Variants in ADGRG5 observed in about 807,000 individuals in gnomAD.
ADGRG5 encodes G protein-coupled receptor 114.
Under a neutral mutation model 53.2 loss-of-function variants are expected in ADGRG5, and 37 were observed. The ratio of observed to expected loss-of-function variants is 0.70; its 90% CI spans 0.53 to 0.91. The LOEUF (loss-of-function observed/expected upper bound fraction) is 0.91, where lower values mean the gene tolerates loss of function less well. Among genes scored for constraint, ADGRG5 ranks in the 40% least tolerant of loss-of-function variants. ADGRG5 has a pLI of 0.00. For missense variants in ADGRG5, 614 were observed against 675.8 expected (o/e 0.91, Z 1.01); for synonymous variants, 277 against 290.4 (o/e 0.95, Z 0.47).
intron 1 of ADGRG5, among the ~76,000 whole-genome samples, chr16:57,547,950 G>A (rs1555521243): frequency 6.6e-6 from 1 of 151,942 alleles, no homozygotes; most frequent in Non-Finnish European, 1.5e-5. Flanking sequence ...GTTTTTCCAT[G>A]TTGCCCAGGC....
At chr16:57,532,449 C>G in the ADGRG5 span, among the ~76,000 whole-genome samples, 1 of 152,174 alleles carries the variant, frequency 6.6e-6, no homozygotes, top group Non-Finnish European at 1.5e-5. Context: ...AGTGAGCTGG[C>G]TGGCCTTGAT....
chr16:57,563,754 A>G, intron 4 of ADGRG5, 94 bp from the exon 5 acceptor site: 4 of 1,517,292 alleles, frequency 2.6e-6, no homozygotes, highest in South Asian at 1.1e-5. Flanking sequence ...GGAAACCCCA[A>G]GGAAGGTTTC....
At chr16:57,542,787 C>T (rs1356795003) in intron 1 of ADGRG5, 86 bp downstream of exon 1, 1 of 152,424 alleles carries the variant, frequency 6.6e-6, no homozygotes, top group Non-Finnish European at 1.5e-5. Context: ...ACTGGCCATA[C>T]CCATGTCCAG....
chr16:57,567,997 G>A lies in ADGRG5; in HGVS notation c.963G>A (p.Leu321=), dbSNP rs1361108535. The A allele has an allele frequency of 6.2e-7, 1 of 1,614,062 alleles. No homozygotes were observed. The highest frequency in any genetic ancestry group is 8.5e-7 in the Non-Finnish European group (1 of 1,179,970). ...CATGCACGGCTCTGGCCGCTGCCCT[G>A]CACTACGCGCTGCTCAGCTGCCTCA... ...GSACTALAAA[L]HYALLSCLTW... The change falls in exon 9 of 12, where the codon CTG becomes CTA. Residue 321 remains leucine, a synonymous_variant. Coordinates refer to ENST00000349457, the MANE Select transcript of ADGRG5 (RefSeq NM_001304376.3).
chr16:57,553,017 A>G (rs1424691130), intron 1 of ADGRG5, among the ~76,000 whole-genome samples: 1 of 152,210 alleles, frequency 6.6e-6, no homozygotes, highest in African/African-American at 2.4e-5. Context: ...TTTATTGGTT[A>G]AGTTTGCCAT....
intron 1 of ADGRG5, among the ~76,000 whole-genome samples, chr16:57,557,277 G>T (rs2032905972): frequency 6.6e-6 from 1 of 152,192 alleles, no homozygotes; most frequent in South Asian, 2.1e-4. Flanking sequence ...TTTATTGAAA[G>T]ATATGGCTGC....
chr16:57,568,835 T>TCACCACCTCCTC (rs1346599035), intron 9 of ADGRG5, among the ~76,000 whole-genome samples: 5 of 109,766 alleles, frequency 4.6e-5, no homozygotes, highest in African/African-American at 2.0e-4. Context: ...TCCACCTCCA[T>TCACCACCTCCTC]CACCTCCATC....
At chr16:57,571,087 C>T (rs1567625516) in intron 10 of ADGRG5, among the ~76,000 whole-genome samples, 3 of 151,672 alleles carry the variant, frequency 2.0e-5, no homozygotes, top group Admixed American at 2.0e-4. Flanking sequence ...CAGGCGAGGA[C>T]GTTAAGCTTT....
At chr16:57,531,000 C>G in the ADGRG5 span, among the ~76,000 whole-genome samples, 3 of 151,896 alleles carry the variant, frequency 2.0e-5, no homozygotes, top group African/African-American at 7.3e-5. Flanking sequence ...TCCAGCTGCT[C>G]GTCAGCCTCC....
At chr16:57,569,814 TATC>T (rs1417534186) in intron 9 of ADGRG5, among the ~76,000 whole-genome samples, 2 of 135,916 alleles carry the variant, frequency 1.5e-5, no homozygotes, top group Non-Finnish European at 3.2e-5. Context: ...CCTCCACCTC[TATC>T]ATCATCATTA....
At chr16:57,545,491 A>C (rs1028157408) in intron 1 of ADGRG5, among the ~76,000 whole-genome samples, 3 of 152,194 alleles carry the variant, frequency 2.0e-5, no homozygotes, top group Admixed American at 6.5e-5. Flanking sequence ...GTTGGAGACC[A>C]GCCTGGGCAA....
the ADGRG5 span, among the ~76,000 whole-genome samples, chr16:57,530,288 C>A: frequency 1.3e-5 from 2 of 152,192 alleles, no homozygotes; most frequent in African/African-American, 4.8e-5. Context: ...GCCATGCCCC[C>A]CTCCTCCTTA....
intron 1 of ADGRG5, among the ~76,000 whole-genome samples, chr16:57,558,777 A>G: frequency 6.6e-6 from 1 of 150,742 alleles, no homozygotes; most frequent in East Asian, 2.0e-4. Flanking sequence ...CCTCTGTTTT[A>G]TATCAGTGCA....
chr16:57,567,524 T>C lies in ADGRG5; in HGVS notation c.754T>C (p.Ser252Pro). The stretch of plus-strand genomic sequence containing the variant: ...GTTGCTGGCACCTCTTACGTACATC[T>C]CCCTCGTGGGCTGCAGCATCTCCAT... ...AELLAPLTYI[S>P]LVGCSISIVA... Residue 252 changes from serine (S) to proline (P), a missense_variant, in exon 8 of 12, where the codon TCC becomes CCC. By Grantham distance (74) the Ser-to-Pro change is moderately conservative. Transcript: ENST00000349457. 6.2e-7 allele frequency: 1 copy of C among 1,611,692 alleles called. No homozygotes were observed. The highest frequency in any genetic ancestry group is 8.5e-7 in the Non-Finnish European group (1 of 1,179,902).
chr16:57,573,752 C>G (rs748596740), intron 10 of ADGRG5, among the ~76,000 whole-genome samples: 4 of 152,136 alleles, frequency 2.6e-5, no homozygotes, highest in Non-Finnish European at 5.9e-5. Context: ...GATGGAATCT[C>G]GCTCTGTCAC....
rs2033078691 is a variant in ADGRG5 at position 57,564,311 on chromosome 16, G to GTT, written c.429+332_429+333insTT. Reference sequence around the variant, plus strand: ...TTGATGCCTAGACTAAGACCTTACAGATTTTTTTTTTTTTTTTTGGCAGAG... The same window carrying GTT: ...TTGATGCCTAGACTAAGACCTTACAGTTATTTTTTTTTTTTTTTTTGGCAGAG... On this transcript the variant is annotated intron_variant, in intron 5 of 11. Coordinates refer to ENST00000349457, the MANE Select transcript of ADGRG5 (RefSeq NM_001304376.3). 2.7e-5 allele frequency among the ~76,000 whole-genome samples: 4 copies of GTT among 146,414 alleles called. No homozygotes were observed. The South Asian group carries it at 8.9e-4, about 33-fold the overall frequency.
At chr16:57,570,071 G>A (rs1390993727) in intron 9 of ADGRG5, among the ~76,000 whole-genome samples, 1 of 151,888 alleles carries the variant, frequency 6.6e-6, no homozygotes, top group Admixed American at 6.6e-5. Flanking sequence ...ATCTCCAGCA[G>A]CACCATCACT....
intron 2 of ADGRG5, 79 bp from the exon 3 acceptor site, chr16:57,562,305 G>A: frequency 6.9e-7 from 1 of 1,440,344 alleles, no homozygotes; most frequent in South Asian, 1.2e-5. Flanking sequence ...TAGACTCTCA[G>A]GGTGGGATGG....
At chr16:57,545,398 G>T (rs1320736962) in intron 1 of ADGRG5, among the ~76,000 whole-genome samples, 5 of 152,148 alleles carry the variant, frequency 3.3e-5, no homozygotes, top group African/African-American at 1.2e-4. Context: ...CATGACACTG[G>T]AGTGGAGACT....
Sources: allele counts gnomAD v4.1 joint callset (sites outside exome capture counted in the v4.1 genomes callset), GRCh38; gene constraint gnomAD v4.1.1; transcripts MANE v1.5; gene names NCBI Gene and HGNC (gene_info 2026-07-23, HGNC 2026-07-21).